GPC6: variants seen among roughly 807,000 people sequenced by gnomAD.
The protein encoded by GPC6 is glypican 6.
A neutral mutation model predicts 55.2 loss-of-function variants in GPC6; 14 were observed. The ratio of observed to expected loss-of-function variants is 0.25; its 90% CI spans 0.17 to 0.40. GPC6 has a LOEUF of 0.40. Ranked by LOEUF, GPC6 falls within the 10% of genes least tolerant of loss-of-function variation. The pLI, the probability that GPC6 is intolerant of heterozygous loss-of-function variation, is 1.00. For missense variants in GPC6, 641 were observed against 708.5 expected, an observed-to-expected ratio of 0.90 and a Z score of 1.08; for synonymous variants, 278 against 259.6, an observed-to-expected ratio of 1.07 and a Z score of -0.68.
chr13:93,832,435 A>C (rs892928002), intron 3 of GPC6, among the ~76,000 whole-genome samples: 1 of 152,152 alleles, frequency 6.6e-6, no homozygotes, highest in Non-Finnish European at 1.5e-5. Flanking sequence ...AAGGATAAAC[A>C]TGTAGCCAGC....
Position 93,393,127 on chromosome 13 carries a change from T to TATATATATAGAG in GPC6, c.161-152135_161-152134insTATATATAGAGA, listed in dbSNP as rs1230857277. 1.3e-4 allele frequency among the ~76,000 whole-genome samples: 11 copies of TATATATATAGAG among 87,618 alleles called. No homozygotes were observed. The East Asian group carries it at 1.7e-3, about 13-fold the overall frequency. 57.5% of individuals were successfully genotyped at this position (87,618 alleles called of 152,430 possible). On this transcript the variant is annotated intron_variant, in intron 1 of 8. Coordinates refer to ENST00000377047, the MANE Select transcript of GPC6 (RefSeq NM_005708.5). ...TATTTGATATATATATATATATATA[T>TATATATATAGAG]AGAGAGAGAGAGAGAGAGAGAGAGA...
At chr13:93,291,782 C>T (rs1015432587) in intron 1 of GPC6, among the ~76,000 whole-genome samples, 5 of 152,164 alleles carry the variant, frequency 3.3e-5, no homozygotes, top group South Asian at 2.1e-4. Context: ...CATATACCTT[C>T]GGAGGAACAA....
intron 2 of GPC6, among the ~76,000 whole-genome samples, chr13:93,701,702 C>T (rs1882676198): frequency 6.6e-6 from 1 of 152,128 alleles, no homozygotes; most frequent in East Asian, 1.9e-4. Flanking sequence ...ATTCCAAATC[C>T]TCCATTGTCA....
intron 2 of GPC6, among the ~76,000 whole-genome samples, chr13:93,663,241 C>T (rs536227875): frequency 6.6e-6 from 1 of 151,964 alleles, no homozygotes; most frequent in Non-Finnish European, 1.5e-5. Flanking sequence ...GTAATTTTCA[C>T]ATGGAACTGT....
intron 4 of GPC6, among the ~76,000 whole-genome samples, chr13:94,210,052 T>C (rs1400209282): frequency 6.6e-6 from 1 of 152,056 alleles, no homozygotes. Flanking sequence ...CTTGCCATGA[T>C]TCACAGGCTG....
At chr13:94,378,102 C>T (rs997823074) in intron 6 of GPC6, among the ~76,000 whole-genome samples, 30 of 152,098 alleles carry the variant, frequency 2.0e-4, no homozygotes, top group African/African-American at 5.5e-4. Context: ...TGCTAGATGA[C>T]GAGTTAGTGG....
chr13:93,854,103 G>T (rs1204127183), intron 3 of GPC6, among the ~76,000 whole-genome samples: 1 of 151,458 alleles, frequency 6.6e-6, no homozygotes, highest in Non-Finnish European at 1.5e-5. Flanking sequence ...GCAAAGGTTG[G>T]GGTGTTTCTT....
chr13:93,740,951 G>A (rs1253534378), intron 2 of GPC6, among the ~76,000 whole-genome samples: 2 of 151,926 alleles, frequency 1.3e-5, no homozygotes, highest in African/African-American at 4.8e-5. Context: ...GAAATAAGGA[G>A]TTGTTATGGT....
chr13:93,813,299 C>G (rs1179798119), intron 2 of GPC6, among the ~76,000 whole-genome samples: 2 of 152,056 alleles, frequency 1.3e-5, no homozygotes, highest in Non-Finnish European at 1.5e-5. Context: ...TGGATGTAAT[C>G]CCACAGCTAC....
intron 1 of GPC6, among the ~76,000 whole-genome samples, chr13:93,418,721 T>A (rs2139255750): frequency 6.6e-6 from 1 of 151,698 alleles, no homozygotes; most frequent in South Asian, 2.1e-4. Flanking sequence ...AATAGCACTA[T>A]ACCGTAGTGT....
chr13:93,534,771 G>A (rs886100745), intron 1 of GPC6, among the ~76,000 whole-genome samples: 1 of 152,160 alleles, frequency 6.6e-6, no homozygotes, highest in African/African-American at 2.4e-5. Flanking sequence ...ACAATTTATG[G>A]TCTGATCATA....
chr13:93,268,205 C>T (rs1393092856), intron 1 of GPC6, among the ~76,000 whole-genome samples: 1 of 152,098 alleles, frequency 6.6e-6, no homozygotes, highest in Non-Finnish European at 1.5e-5. Context: ...TGTTGTTGAA[C>T]ATACACTGAG....
At chr13:94,368,975 G>A (rs1328045930) in intron 6 of GPC6, among the ~76,000 whole-genome samples, 1 of 152,190 alleles carries the variant, frequency 6.6e-6, no homozygotes, top group Non-Finnish European at 1.5e-5. Flanking sequence ...AAGTAAAACG[G>A]CCTTGTCCCT....
chr13:94,260,742 A>G (rs949640431), intron 4 of GPC6, among the ~76,000 whole-genome samples: 4 of 152,184 alleles, frequency 2.6e-5, no homozygotes, highest in African/African-American at 4.8e-5. Context: ...AGGAGTTGCC[A>G]GCAATCTAAA....
chr13:93,648,738 T>G (rs766499062), intron 2 of GPC6, among the ~76,000 whole-genome samples: 6 of 152,192 alleles, frequency 3.9e-5, no homozygotes, highest in Non-Finnish European at 5.9e-5. Context: ...AGGCATTATC[T>G]TGTAGCATAC....
chr13:94,054,363 A>G (rs1354036642), intron 4 of GPC6, among the ~76,000 whole-genome samples: 1 of 152,212 alleles, frequency 6.6e-6, no homozygotes, highest in Non-Finnish European at 1.5e-5. Flanking sequence ...TGGTAAATTC[A>G]TTTAGATCAG....
intron 2 of GPC6, among the ~76,000 whole-genome samples, chr13:93,697,997 A>G (rs2138790196): frequency 6.6e-6 from 1 of 152,290 alleles, no homozygotes; most frequent in Admixed American, 6.5e-5. Flanking sequence ...ATATCTCTAA[A>G]ATAATCTGAT....
At chr13:93,912,903 G>A (rs1341090643) in intron 3 of GPC6, among the ~76,000 whole-genome samples, 1 of 152,076 alleles carries the variant, frequency 6.6e-6, no homozygotes, top group Non-Finnish European at 1.5e-5. Context: ...CCTTGGCTTT[G>A]TAGTTGTATC....
intron 4 of GPC6, among the ~76,000 whole-genome samples, chr13:94,285,467 C>A (rs1305272428): frequency 1.3e-5 from 2 of 152,114 alleles, no homozygotes; most frequent in Admixed American, 1.3e-4. Flanking sequence ...CAGCTTCTCA[C>A]CTTACCTATA....
Sources: gnomAD v4.1 joint callset for allele counts (sites outside exome capture counted in the v4.1 genomes callset) on GRCh38, gnomAD v4.1.1 for gene constraint, MANE v1.5 for transcripts, NCBI Gene and HGNC (gene_info 2026-07-23, HGNC 2026-07-21) for gene names.